Variants in AFG2A observed in about 807,000 individuals in gnomAD.
AFG2A encodes the protein AAA ATPase AFG2A, also known as ATPase family gene 2 protein homolog A.
chr4:122,986,060 A>G, the AFG2A span, among the ~76,000 whole-genome samples: 2 of 151,464 alleles, frequency 1.3e-5, no homozygotes, highest in African/African-American at 4.9e-5. Flanking sequence ...AGGTTATTTA[A>G]TTTTCATGTA....
the AFG2A span, among the ~76,000 whole-genome samples, chr4:123,097,849 C>T: frequency 2.0e-5 from 3 of 152,254 alleles, no homozygotes; most frequent in East Asian, 3.9e-4. Flanking sequence ...TTAGGCCAAA[C>T]GTGACCCACC....
At chr4:123,297,155 C>T in the AFG2A span, among the ~76,000 whole-genome samples, 2 of 152,158 alleles carry the variant, frequency 1.3e-5, no homozygotes, top group African/African-American at 2.4e-5. Flanking sequence ...TTTGCTTTCT[C>T]TTCTGATTTT....
the AFG2A span, chr4:122,935,724 C>G: frequency 3.8e-6 from 6 of 1,598,970 alleles, no homozygotes; most frequent in Non-Finnish European, 5.1e-6. Context: ...GAATTCCTGC[C>G]CCTAGAGGAG....
At chr4:123,266,401 C>T in the AFG2A span, among the ~76,000 whole-genome samples, 2 of 151,788 alleles carry the variant, frequency 1.3e-5, no homozygotes, top group Non-Finnish European at 1.5e-5. Flanking sequence ...AACAAGTGCT[C>T]AGTAAATAAA....
At chr4:123,216,305 A>C in the AFG2A span, among the ~76,000 whole-genome samples, 1 of 152,144 alleles carries the variant, frequency 6.6e-6, no homozygotes, top group African/African-American at 2.4e-5. Context: ...TCTTCCTGGA[A>C]GGTGGTTAAT....
chr4:122,928,912 C>G, the AFG2A span: 1 of 1,177,250 alleles, frequency 8.5e-7, no homozygotes, highest in Non-Finnish European at 1.1e-6. Flanking sequence ...CAGATTGTAA[C>G]TCTTTTTGGG....
chr4:123,187,618 G>A, the AFG2A span, among the ~76,000 whole-genome samples: 16 of 151,966 alleles, frequency 1.1e-4, no homozygotes, highest in African/African-American at 3.9e-4. Context: ...GTATCATTTG[G>A]TTATTTTTAT....
chr4:122,947,851 A>G, the AFG2A span, among the ~76,000 whole-genome samples: 4 of 152,188 alleles, frequency 2.6e-5, no homozygotes, highest in South Asian at 6.2e-4. Context: ...ATATAGTATC[A>G]CAACTACAGT....
the AFG2A span, among the ~76,000 whole-genome samples, chr4:122,957,755 T>C: frequency 9.2e-5 from 14 of 152,170 alleles, no homozygotes; most frequent in Admixed American, 3.3e-4. Context: ...TTGTTAAACA[T>C]GATAAGTTTC....
the AFG2A span, among the ~76,000 whole-genome samples, chr4:123,139,523 C>T: frequency 2.6e-5 from 4 of 151,914 alleles, no homozygotes; most frequent in East Asian, 1.9e-4. Context: ...TTGGAAAAGC[C>T]ACAGGTAACA....
the AFG2A span, among the ~76,000 whole-genome samples, chr4:123,119,571 T>C: frequency 2.0e-5 from 3 of 152,198 alleles, no homozygotes; most frequent in Non-Finnish European, 4.4e-5. Flanking sequence ...TTTGCTGTCA[T>C]TTTCAAACTT....
chr4:123,259,217 T>G, the AFG2A span, among the ~76,000 whole-genome samples: 1 of 152,202 alleles, frequency 6.6e-6, no homozygotes, highest in African/African-American at 2.4e-5. Context: ...AAAAATTATT[T>G]TCTTTTCACT....
the AFG2A span, among the ~76,000 whole-genome samples, chr4:123,273,030 C>G: frequency 6.6e-6 from 1 of 152,072 alleles, no homozygotes; most frequent in Non-Finnish European, 1.5e-5. Context: ...AAGGTTTTGC[C>G]TTCAGCTGAA....
chr4:123,011,288 C>T, the AFG2A span, among the ~76,000 whole-genome samples: 1 of 152,230 alleles, frequency 6.6e-6, no homozygotes, highest in Non-Finnish European at 1.5e-5. Context: ...TCCCTTCAGC[C>T]AGTCTTGGCA....
the AFG2A span, among the ~76,000 whole-genome samples, chr4:123,234,763 A>T: frequency 6.6e-6 from 1 of 152,082 alleles, no homozygotes; most frequent in Non-Finnish European, 1.5e-5. Context: ...TATTCATAAG[A>T]CTTCTTTTGG....
chr4:123,299,082 T>TAC, the AFG2A span, among the ~76,000 whole-genome samples: 1 of 151,852 alleles, frequency 6.6e-6, no homozygotes, highest in East Asian at 1.9e-4. Context: ...TGCTTAAACT[T>TAC]ACACCACATC....
the AFG2A span, among the ~76,000 whole-genome samples, chr4:122,985,419 G>T: frequency 6.6e-6 from 1 of 152,214 alleles, no homozygotes; most frequent in South Asian, 2.1e-4. Context: ...GTGAGCCACC[G>T]TGCCTGGCTG....
the AFG2A span, chr4:122,938,202 A>G: frequency 5.8e-5 from 94 of 1,610,730 alleles, no homozygotes; most frequent in Non-Finnish European, 7.6e-5. Context: ...TGAAGTGGAA[A>G]AAAGAGTTGT....
chr4:123,051,415 A>G, the AFG2A span, among the ~76,000 whole-genome samples: 1 of 151,992 alleles, frequency 6.6e-6, no homozygotes, highest in African/African-American at 2.4e-5. Context: ...AACATTTTGA[A>G]TTTTTGATTT....
Sources: allele counts gnomAD v4.1 joint callset (sites outside exome capture counted in the v4.1 genomes callset), GRCh38; gene constraint gnomAD v4.1.1; transcripts MANE v1.5; gene names NCBI Gene and HGNC (gene_info 2026-07-23, HGNC 2026-07-21).